Variants in ABCA6 observed in about 807,000 individuals in gnomAD.
ABCA6 encodes ATP-binding cassette sub-family A member 6.
Under a neutral mutation model 191.2 loss-of-function variants are expected in ABCA6, and 164 were observed. That is an observed-to-expected ratio of 0.86 (90% CI 0.76 to 0.98). The LOEUF (loss-of-function observed/expected upper bound fraction) is 0.98. Among genes scored for constraint, ABCA6 ranks in the 50% least tolerant of loss-of-function variants. The pLI is 0.00. For synonymous variants in ABCA6, 636 were observed against 647.7 expected, an observed-to-expected ratio of 0.98 and a Z score of 0.27; for missense variants, 1,958 against 1,894.1, an observed-to-expected ratio of 1.03 and a Z score of -0.63.
At position 69,112,220 on chromosome 17, in the gene ABCA6, A is replaced by T; in HGVS notation, c.2095T>A (p.Phe699Ile). The T allele has an allele frequency of 1.2e-6, 2 of 1,612,780 alleles. No individual in the cohort carries two copies. The highest frequency in any genetic ancestry group is 1.7e-6 in the Non-Finnish European group (2 of 1,179,154). ...CCAAGACCCCACCTTCTTTTCAAAA[A>T]CATAGAAGAACCTGCACACTTCAGT... ...GRLKCAGSSM[F>I]LKRRWGLGYH... Residue 699 changes from phenylalanine (F) to isoleucine (I), a missense_variant, in exon 16 of 39, where the codon TTT (phenylalanine) becomes ATT (isoleucine). By Grantham distance (21) the Phe-to-Ile change is conservative. Transcript: ENST00000284425.
At chr17:69,110,766 C>T in intron 17 of ABCA6, 35 bp downstream of exon 17, 1 of 1,559,892 alleles carries the variant, frequency 6.4e-7, no homozygotes, top group Non-Finnish European at 8.6e-7. Context: ...CATTTTTTCC[C>T]ATATTTCATT....
intron 25 of ABCA6, chr17:69,094,231 A>G (rs959880424): frequency 1.3e-5 from 2 of 152,200 alleles, no homozygotes; most frequent in Non-Finnish European, 2.9e-5. Flanking sequence ...TAGAAAGAAC[A>G]AAGTCAAATT....
intron 22 of ABCA6, among the ~76,000 whole-genome samples, chr17:69,099,206 C>CT (rs2073121091): frequency 6.6e-6 from 1 of 152,180 alleles, no homozygotes; most frequent in Non-Finnish European, 1.5e-5. Flanking sequence ...CTAGCAGCAT[C>CT]TAGGACCACC....
chr17:69,134,370 T>A (rs551707435), intron 5 of ABCA6, among the ~76,000 whole-genome samples: 30 of 152,190 alleles, frequency 2.0e-4, no homozygotes, highest in African/African-American at 7.0e-4. Context: ...CTGAGGCAGT[T>A]TTTGCTCTCC....
chr17:69,113,168 C>A (rs1255450958), intron 15 of ABCA6, 54 bp downstream of exon 15: 2 of 1,563,104 alleles, frequency 1.3e-6, no homozygotes, highest in East Asian at 4.7e-5. Context: ...ATAGACCTCG[C>A]TTCTAAATTC....
rs566055632 is a variant in ABCA6, at chr17:69,100,831, T to C, written c.2978A>G (p.Gln993Arg). The C allele has an allele frequency of 6.2e-7, 1 of 1,612,598 alleles. No individual in the cohort carries two copies. The highest frequency in any genetic ancestry group is 1.3e-5 in the African/African-American group (1 of 74,992). The change falls in exon 22 of 39, where the codon CAA becomes CGA. Residue 993 changes from glutamine to arginine, a missense_variant. Gln to Arg is a conservative substitution (Grantham distance 43, BLOSUM62 1). Transcript: ENST00000284425. ...NGLLQMFNHT[Q>R]HIRIESSPFP... ...TGGGCTTGACTCAATTCGAATATGT[T>C]GTGTGTGATTAAACATTTGAAGTAG... is the stretch of plus-strand genomic sequence containing the variant.
Position 69,105,510 on chromosome 17 carries a change from G to C in ABCA6, c.2692C>G (p.Gln898Glu). 1 of 1,611,408 alleles carries C rather than the reference G, an allele frequency of 6.2e-7. No individual in the cohort carries two copies. Among genetic ancestry groups the C allele is most frequent in the Non-Finnish European group, 8.5e-7 (1 of 1,179,316 alleles). The change falls in exon 20 of 39, where the codon CAA becomes GAA. Residue 898 changes from glutamine (Q) to glutamate (E), a missense_variant. Coordinates refer to ENST00000284425, the MANE Select transcript of ABCA6 (RefSeq NM_080284.3). ...CTGGTACGGGGTTCCTGGGGAAGTT[G>C]TCCAGGAGAGAGAAAATACAATTCG... Reference protein sequence around the residue: ...KNELYFLSPGQLPQEPRTSLL... With the variant: ...KNELYFLSPGELPQEPRTSLL...
At chr17:69,091,945 A>G (rs927204270) in intron 25 of ABCA6, among the ~76,000 whole-genome samples, 1 of 150,960 alleles carries the variant, frequency 6.6e-6, no homozygotes, top group Non-Finnish European at 1.5e-5. Flanking sequence ...GTTGAAAGTT[A>G]CATGGCTATT....
At chr17:69,135,921 A>G (rs1404060061) in intron 4 of ABCA6, 171 bp downstream of exon 4, 13 of 648,608 alleles carry the variant, frequency 2.0e-5, no homozygotes, top group Non-Finnish European at 3.4e-5. Context: ...CAATTTTTGC[A>G]GTCATCCTGT....
At position 69,102,988 on chromosome 17, in the gene ABCA6, A is replaced by G. The variant is rs2364315; in HGVS notation, c.2741-20T>C. On this transcript the variant is annotated intron_variant, in intron 20 of 38. Coordinates refer to ENST00000284425, the MANE Select transcript of ABCA6 (RefSeq NM_080284.3). Reference sequence around the variant, plus strand: ...TTGATTCTAATATGAAGTTAATAAGAGAAGGCCATAGAAAAGTAAGAAAAT... The same window carrying G: ...TTGATTCTAATATGAAGTTAATAAGGGAAGGCCATAGAAAAGTAAGAAAAT... 808,085 of 1,392,512 alleles carry G rather than the reference A, an allele frequency of 0.58. 241,383 individuals carry two copies. The highest frequency in any genetic ancestry group is 0.62 in the Non-Finnish European group (623,565 of 1,007,418). The allele number at this position is 1,392,512 out of a possible 1,614,324, so 86.3% of individuals were successfully genotyped here. A position where few individuals can be genotyped will look rare whatever the true frequency, so the allele number is the denominator to read the frequency against.
chr17:69,132,102 A>G (rs2073874098), intron 6 of ABCA6, among the ~76,000 whole-genome samples: 1 of 152,052 alleles, frequency 6.6e-6, no homozygotes. Context: ...TCCATTAATA[A>G]AATATATTTT....
At chr17:69,105,301 A>T in intron 20 of ABCA6, 161 bp downstream of exon 20, 1 of 700,730 alleles carries the variant, frequency 1.4e-6, no homozygotes, top group Non-Finnish European at 2.3e-6. Flanking sequence ...TCATCTCCAA[A>T]ATCAGAGTAA....
At chr17:69,114,532 T>C (rs1238433111) in intron 13 of ABCA6, among the ~76,000 whole-genome samples, 1 of 152,136 alleles carries the variant, frequency 6.6e-6, no homozygotes, top group Non-Finnish European at 1.5e-5. Context: ...ACCTGCACGT[T>C]GTGCACATGT....
rs1286278681 is a variant in ABCA6 at position 69,102,934 on chromosome 17, C to T, written c.2775G>A (p.Lys925=). Residue 925 remains lysine (K), a synonymous_variant, in exon 21 of 39, where the codon AAG becomes AAA. Coordinates refer to ENST00000284425, the MANE Select transcript of ABCA6 (RefSeq NM_080284.3). ...CTACTTCCAAAAGTATATTTTGATG[C>T]TTCAGTGATTTTATAAAATCTTCAA... ...SNIEDFIKSL[K]HQNILLEVDD... 3.2e-6 allele frequency: 5 copies of T among 1,556,730 alleles called. No individual in the cohort carries two copies. The South Asian group carries it at 5.9e-5, about 18-fold the overall frequency.
At chr17:69,129,795 AC>A in intron 6 of ABCA6, 44 bp from the exon 7 acceptor site, 1 of 1,416,920 alleles carries the variant, frequency 7.1e-7, no homozygotes, top group Non-Finnish European at 9.6e-7. Flanking sequence ...TAACTTATTT[AC>A]AAAATATTTA....
intron 8 of ABCA6, among the ~76,000 whole-genome samples, chr17:69,128,205 T>G (rs905477864): frequency 6.6e-6 from 1 of 152,096 alleles, no homozygotes. Flanking sequence ...ATACTTTAAT[T>G]TACTTTATAA....
intron 2 of ABCA6, among the ~76,000 whole-genome samples, chr17:69,139,660 C>T (rs1285916065): frequency 9.2e-5 from 14 of 152,092 alleles, no homozygotes; most frequent in South Asian, 4.2e-4. Context: ...ATGTTTACTG[C>T]GGCACTATTC....
Position 69,124,911 on chromosome 17 carries a change from A to G in ABCA6, c.1244T>C (p.Leu415Ser). 1 of 1,570,786 alleles carries G rather than the reference A, an allele frequency of 6.4e-7. No homozygotes were observed. Among genetic ancestry groups the G allele is most frequent in the Non-Finnish European group, 8.6e-7 (1 of 1,159,692 alleles). Residue 415 changes from leucine to serine, a missense_variant, in exon 9 of 39, where the codon TTA becomes TCA. By Grantham distance (145) the Leu-to-Ser change is moderately radical (BLOSUM62 -2). Transcript: ENST00000284425. ...LDGLIYLLLA[L>S]YFDKILPYGD... Reference sequence around the variant, plus strand: ...ACAGGGTAAAATTTTGTCAAAGTATAATGCCAATAGCAAGTAGATGAGACC... The same window carrying G: ...ACAGGGTAAAATTTTGTCAAAGTATGATGCCAATAGCAAGTAGATGAGACC...
At position 69,086,648 on chromosome 17, in the gene ABCA6, C is replaced by T. The variant is rs149559050; in HGVS notation, c.3907G>A (p.Ala1303Thr). 2.6e-5 allele frequency: 42 copies of T among 1,612,120 alleles called. No individual in the cohort carries two copies. Among genetic ancestry groups the T allele is most frequent in the Non-Finnish European group, 3.0e-5 (35 of 1,178,650 alleles). ...CFSKRKKKIA[A>T]RNISFCVQEG... ...TGAACACAGAAAGAGATATTTCTTGCTGCTATTTTCTTCTTCCTCTTTGAA... is the reference window on the plus strand; with the variant it reads ...TGAACACAGAAAGAGATATTTCTTGTTGCTATTTTCTTCTTCCTCTTTGAA... Residue 1303 changes from alanine (A) to threonine (T), a missense_variant, in exon 30 of 39, where the codon GCA becomes ACA. Coordinates refer to ENST00000284425, the MANE Select transcript of ABCA6 (RefSeq NM_080284.3).
Sources: gnomAD v4.1 joint callset for allele counts (sites outside exome capture counted in the v4.1 genomes callset) on GRCh38, gnomAD v4.1.1 for gene constraint, MANE v1.5 for transcripts, NCBI Gene and HGNC (gene_info 2026-07-23, HGNC 2026-07-21) for gene names.